The following EIF2B3 variants were observed in gnomAD, a reference collection of about 807,000 sequenced individuals.
The protein encoded by EIF2B3 is eukaryotic translation initiation factor 2B subunit gamma.
In EIF2B3, 20 loss-of-function variants were observed where a neutral mutation model predicts 54.1. That is an observed-to-expected ratio of 0.37 (90% CI 0.26 to 0.54). The LOEUF is 0.54. Ranked by LOEUF, EIF2B3 falls within the 20% of genes least tolerant of loss-of-function variation. The pLI, the probability that EIF2B3 is intolerant of heterozygous loss-of-function variation, is 0.86. For synonymous variants in EIF2B3, 153 were observed against 188.1 expected, an observed-to-expected ratio of 0.81 and a Z score of 1.52; for missense variants, 448 against 547.8, an observed-to-expected ratio of 0.82 and a Z score of 1.82.
At chr1:44,897,327 G>T in intron 6 of EIF2B3, 28 bp downstream of exon 6, 2 of 1,542,436 alleles carry the variant, frequency 1.3e-6, no homozygotes, top group South Asian at 1.1e-5. Flanking sequence ...AAGTACTGTA[G>T]GTTTGACTCT....
At chr1:44,957,841 GT>G (rs967274195) in intron 3 of EIF2B3, among the ~76,000 whole-genome samples, 2 of 152,182 alleles carry the variant, frequency 1.3e-5, no homozygotes, top group African/African-American at 4.8e-5. Flanking sequence ...GTGAGTCCAT[GT>G]GGAAATAAAC....
At chr1:44,959,439 G>T (rs779643863) in intron 3 of EIF2B3, 1 of 429,398 alleles carries the variant, frequency 2.3e-6, no homozygotes, top group Non-Finnish European at 4.5e-6. Context: ...CTACTTAGGA[G>T]ACTGAGGCTG....
In EIF2B3 at chr1:44,925,714, AG is replaced by A. The variant is rs938327821; in HGVS notation, c.566+913del. Among the ~76,000 whole-genome samples the A allele has an allele frequency of 2.0e-4, 30 of 151,478 alleles. 1 individual carries two copies. Among genetic ancestry groups the A allele is most frequent in the South Asian group, 4.2e-4 (2 of 4,778 alleles). Reference sequence around the variant, plus strand: ...GGCTGAGGCGGGTGGACTACGGGTCAGGAGTTCAATACCAGCCCAGCCAATA... The same window carrying A: ...GGCTGAGGCGGGTGGACTACGGGTCAGAGTTCAATACCAGCCCAGCCAATA... On this transcript the variant is annotated intron_variant, in intron 5 of 11. Coordinates refer to ENST00000360403, the MANE Select transcript of EIF2B3 (RefSeq NM_020365.5).
intron 4 of EIF2B3, among the ~76,000 whole-genome samples, chr1:44,931,459 T>C (rs1383248408): frequency 6.6e-6 from 1 of 152,246 alleles, no homozygotes; most frequent in East Asian, 1.9e-4. Flanking sequence ...GCAACTTTTA[T>C]AAGTAATTAA....
rs1557696879 is a variant in EIF2B3 at position 44,942,394 on chromosome 1, TATATATATATATATATATATA to T, written c.295-750_295-730del. Among the ~76,000 whole-genome samples the T allele has an allele frequency of 4.2e-4, 7 of 16,784 alleles. 1 individual carries two copies. The highest frequency in any genetic ancestry group is 6.9e-4 in the African/African-American group (2 of 2,878). The allele number at this position is 16,784 out of a possible 152,430, so 11.0% of individuals were successfully genotyped here. ...TTCTGATTTTATATATATATATATA[TATATATATATATATATATATA>T]TATTTTTTTTTTTTTTTTTTTTTTT... On this transcript the variant is annotated intron_variant, in intron 3 of 11. Transcript: ENST00000360403.
At chr1:44,855,874 T>C (rs1051306965) in intron 11 of EIF2B3, among the ~76,000 whole-genome samples, 2 of 152,078 alleles carry the variant, frequency 1.3e-5, no homozygotes, top group Admixed American at 6.6e-5. Flanking sequence ...AGGATCTTAG[T>C]AGGGAAGGCT....
intron 6 of EIF2B3, among the ~76,000 whole-genome samples, chr1:44,887,518 A>G (rs1458416669): frequency 1.3e-5 from 2 of 152,368 alleles, no homozygotes; most frequent in East Asian, 1.9e-4. Context: ...AAATGGCGAA[A>G]TCTTACTAAA....
chr1:44,965,971 T>C (rs1190638884), intron 3 of EIF2B3, among the ~76,000 whole-genome samples: 1 of 152,028 alleles, frequency 6.6e-6, no homozygotes, highest in Non-Finnish European at 1.5e-5. Flanking sequence ...ACTTCTCTCC[T>C]AGACTGTAAA....
intron 3 of EIF2B3, among the ~76,000 whole-genome samples, chr1:44,950,265 A>T (rs891755262): frequency 2.0e-5 from 3 of 152,178 alleles, no homozygotes; most frequent in Non-Finnish European, 4.4e-5. Flanking sequence ...TCTACAAAAA[A>T]TTTTAAAAAT....
intron 2 of EIF2B3, among the ~76,000 whole-genome samples, chr1:44,979,382 T>A (rs1380198192): frequency 7.9e-6 from 1 of 125,858 alleles, no homozygotes; most frequent in African/African-American, 3.1e-5. Flanking sequence ...GGAAGAAATA[T>A]AAAAAACACT....
intron 10 of EIF2B3, among the ~76,000 whole-genome samples, chr1:44,870,265 CTT>C (rs1654925910): frequency 6.6e-6 from 1 of 152,092 alleles, no homozygotes; most frequent in African/African-American, 2.4e-5. Context: ...GGTCTGACCT[CTT>C]TTCCTAAGCT....
chr1:44,883,515 C>A (rs1419325201), intron 6 of EIF2B3, among the ~76,000 whole-genome samples: 1 of 151,950 alleles, frequency 6.6e-6, no homozygotes, highest in Middle Eastern at 3.2e-3. Context: ...ACCAGTGACC[C>A]CTCTGTGGCC....
At position 44,958,842 on chromosome 1, in the gene EIF2B3, T is replaced by C. The variant is rs1005986860; in HGVS notation, c.295-17177A>G. The C allele has an allele frequency of 5.2e-6, 5 of 964,218 alleles. No individual in the cohort carries two copies. In the Admixed American group the frequency reaches 6.8e-5, roughly 13 times the overall value. 59.7% of individuals were successfully genotyped at this position (964,218 alleles called of 1,614,324 possible). ...CGTTAGCTCCTGAGCAGTGGGCTTC[T>C]GGACATATCAGGTACATCAGGAACA... On this transcript the variant is annotated intron_variant, in intron 3 of 11. Transcript: ENST00000360403.
At chr1:44,915,664 T>C (rs1283266502) in intron 5 of EIF2B3, among the ~76,000 whole-genome samples, 1 of 152,150 alleles carries the variant, frequency 6.6e-6, no homozygotes, top group African/African-American at 2.4e-5. Flanking sequence ...GTGCCTGGCT[T>C]TAATTCTTAT....
At chr1:44,862,903 C>T (rs2148895600) in intron 10 of EIF2B3, 1 of 152,284 alleles carries the variant, frequency 6.6e-6, no homozygotes, top group East Asian at 1.9e-4. Context: ...AGCCTACACT[C>T]ATTTTATAAC....
intron 3 of EIF2B3, among the ~76,000 whole-genome samples, chr1:44,955,032 T>C (rs1224579499): frequency 6.6e-6 from 1 of 152,204 alleles, no homozygotes; most frequent in Non-Finnish European, 1.5e-5. Flanking sequence ...TTTATTGATT[T>C]GCATACGTTC....
chr1:44,876,430 G>C (rs200597407), intron 8 of EIF2B3, among the ~76,000 whole-genome samples: 24,304 of 138,888 alleles, frequency 0.17, 2,370 homozygotes, highest in Admixed American at 0.27. Flanking sequence ...GTCTCTGCCC[G>C]GCCGCCCCGT....
chr1:44,927,101 T>G (rs3889352), intron 4 of EIF2B3, among the ~76,000 whole-genome samples: 22,286 of 151,136 alleles, frequency 0.15, 1,783 homozygotes, highest in Non-Finnish European at 0.17. Flanking sequence ...GCCACTGTAG[T>G]GCACTCCAGC....
At chr1:44,914,123 C>G (rs1643571970) in intron 5 of EIF2B3, among the ~76,000 whole-genome samples, 1 of 151,394 alleles carries the variant, frequency 6.6e-6, no homozygotes, top group Non-Finnish European at 1.5e-5. Context: ...GCCACCGCAC[C>G]CAGCCTTACT....
Sources: allele counts gnomAD v4.1 joint callset (sites outside exome capture counted in the v4.1 genomes callset), GRCh38; gene constraint gnomAD v4.1.1; transcripts MANE v1.5; gene names NCBI Gene and HGNC (gene_info 2026-07-23, HGNC 2026-07-21).